The following KIF13B variants were observed in gnomAD, a reference collection of about 807,000 sequenced individuals.
The protein encoded by KIF13B is kinesin family member 13B.
Under a neutral mutation model 222.0 loss-of-function variants are expected in KIF13B, and 127 were observed. The ratio of observed to expected loss-of-function variants is 0.57; its 90% CI spans 0.50 to 0.66. KIF13B has a LOEUF of 0.66. KIF13B is among the 30% of genes least tolerant of loss of function. The pLI is 0.00. For missense variants in KIF13B, 2,173 were observed against 2,379.0 expected, an observed-to-expected ratio of 0.91 and a Z score of 1.80; for synonymous variants, 976 against 919.0, an observed-to-expected ratio of 1.06 and a Z score of -1.12.
intron 2 of KIF13B, among the ~76,000 whole-genome samples, chr8:29,223,483 G>A (rs1311973819): frequency 1.3e-5 from 2 of 151,902 alleles, no homozygotes; most frequent in Non-Finnish European, 2.9e-5. Context: ...AGTAACCAAG[G>A]GCGAATTTGA....
At chr8:29,183,168 G>GTTTTTTTTATTTTTTTT (rs1812785381) in intron 6 of KIF13B, among the ~76,000 whole-genome samples, 1 of 117,688 alleles carries the variant, frequency 8.5e-6, no homozygotes. Flanking sequence ...CTTAAAGTTT[G>GTTTTTTTTATTTTTTTT]TTTTTTTTTT....
intron 30 of KIF13B, among the ~76,000 whole-genome samples, chr8:29,118,368 A>G (rs910341288): frequency 2.0e-5 from 3 of 150,270 alleles, no homozygotes; most frequent in Admixed American, 6.6e-5. Context: ...GGTGGCGCAC[A>G]CTTATAATCC....
rs983817363 is a variant in KIF13B, at chr8:29,071,105, G to A, written c.5219-339C>T. Among the ~76,000 whole-genome samples, 2 of 152,338 alleles carry A rather than the reference G, an allele frequency of 1.3e-5. No individual in the cohort carries two copies. Among genetic ancestry groups the A allele is most frequent in the Admixed American group, 1.3e-4 (2 of 15,312 alleles). On this transcript the variant is annotated intron_variant, in intron 39 of 39. Transcript: ENST00000524189. The surrounding 1 kb of genome is among the most constrained non-coding windows in gnomAD (Gnocchi z 4.9). Reference sequence around the variant, plus strand: ...CCAGCCACTAAGGCACAACCGGCCCGCCTCGTGCGGGAACAGACCCTTCTC... The same window carrying A: ...CCAGCCACTAAGGCACAACCGGCCCACCTCGTGCGGGAACAGACCCTTCTC...
At position 29,070,791 on chromosome 8, in the gene KIF13B, TG is replaced by T; in HGVS notation, c.5219-26del. 1 of 1,580,538 alleles carries T rather than the reference TG, an allele frequency of 6.3e-7. No individual in the cohort carries two copies. Among genetic ancestry groups the T allele is most frequent in the South Asian group, 1.2e-5 (1 of 86,326 alleles). On this transcript the variant is annotated intron_variant, in intron 39 of 39. Coordinates refer to ENST00000524189, the MANE Select transcript of KIF13B (RefSeq NM_015254.4). This position sits in a 1 kb window ranked among gnomAD's most constrained non-coding sequence, Gnocchi z 4.1. The stretch of plus-strand genomic sequence containing the variant: ...CCTGCGGGGGAAGGAGAGGGTGATA[TG>T]GAGGGCAGCCGAGCTGCAGACGGCC...
intron 12 of KIF13B, among the ~76,000 whole-genome samples, chr8:29,165,021 T>C (rs1198414083): frequency 2.0e-5 from 3 of 152,130 alleles, no homozygotes; most frequent in South Asian, 4.1e-4. Context: ...CTAATTTTTG[T>C]GTTTTTGGTA....
chr8:29,085,260 G>T (rs1474303503), intron 37 of KIF13B, among the ~76,000 whole-genome samples: 1 of 152,154 alleles, frequency 6.6e-6, no homozygotes, highest in Non-Finnish European at 1.5e-5. Flanking sequence ...TGCAGTTATG[G>T]GTCTGTGTAT....
Position 29,070,575 on chromosome 8 carries a change from G to A in KIF13B, c.5410C>T (p.Leu1804=). 1 of 1,604,598 alleles carries A rather than the reference G, an allele frequency of 6.2e-7. No individual in the cohort carries two copies. Among genetic ancestry groups the A allele is most frequent in the African/African-American group, 1.3e-5 (1 of 74,904 alleles). ...LSGSATNLAS[L]TAALAKADRS... The stretch of plus-strand genomic sequence containing the variant: ...TCGGCCTTGGCCAGGGCAGCTGTCA[G>A]CGAGGCCAGGTTGGTGGCGGAGCCC... Residue 1804 remains leucine, a synonymous_variant, in exon 40 of 40, where the codon CTG becomes TTG. Coordinates refer to ENST00000524189, the MANE Select transcript of KIF13B (RefSeq NM_015254.4). The surrounding 1 kb of genome is among the most constrained non-coding windows in gnomAD (Gnocchi z 4.1).
chr8:29,246,304 G>A (rs1253676962), intron 1 of KIF13B, among the ~76,000 whole-genome samples: 1 of 151,942 alleles, frequency 6.6e-6, no homozygotes, highest in Non-Finnish European at 1.5e-5. Flanking sequence ...TTGAACCCAG[G>A]AGGCAGAGGT....
At chr8:29,137,440 C>T (rs1810615560) in intron 21 of KIF13B, among the ~76,000 whole-genome samples, 1 of 152,236 alleles carries the variant, frequency 6.6e-6, no homozygotes, top group African/African-American at 2.4e-5. Flanking sequence ...CCAGGAATGT[C>T]TGCAGGCACG....
intron 2 of KIF13B, among the ~76,000 whole-genome samples, chr8:29,231,959 A>C (rs186741010): frequency 3.3e-4 from 50 of 152,304 alleles, no homozygotes; most frequent in Non-Finnish European, 5.7e-4. Flanking sequence ...AAATAATTTA[A>C]AAGAAATTAG....
chr8:29,140,025 T>C (rs780285692), intron 21 of KIF13B, 38 bp downstream of exon 21: 178 of 1,528,424 alleles, frequency 1.2e-4, no homozygotes, highest in Non-Finnish European at 1.5e-4. Context: ...GCAATGACTT[T>C]TGTATCAACG....
intron 35 of KIF13B, among the ~76,000 whole-genome samples, 190 bp downstream of exon 35, chr8:29,107,947 CAG>C (rs991066681): frequency 1.3e-5 from 2 of 152,100 alleles, no homozygotes; most frequent in African/African-American, 4.8e-5. Flanking sequence ...CCCCAGTAGT[CAG>C]AGTCTAATAA....
chr8:29,072,482 C>T (rs568346769), intron 38 of KIF13B, among the ~76,000 whole-genome samples, 166 bp from the exon 39 acceptor site: 1 of 152,266 alleles, frequency 6.6e-6, no homozygotes, highest in African/African-American at 2.4e-5. Flanking sequence ...CCCAGGAGTT[C>T]AAGAACAGCC....
chr8:29,081,348 A>G (rs1807802283), intron 37 of KIF13B, among the ~76,000 whole-genome samples: 1 of 152,178 alleles, frequency 6.6e-6, no homozygotes, highest in Non-Finnish European at 1.5e-5. Context: ...CAGCACTGAG[A>G]ATGAGGCTAA....
chr8:29,257,903 C>A (rs574324168), intron 1 of KIF13B, among the ~76,000 whole-genome samples: 6 of 152,300 alleles, frequency 3.9e-5, no homozygotes, highest in Non-Finnish European at 8.8e-5. Flanking sequence ...ACCTTCTTCT[C>A]AAAATGCCTC....
chr8:29,101,196 G>T (rs1227531491), intron 35 of KIF13B, among the ~76,000 whole-genome samples: 1 of 152,154 alleles, frequency 6.6e-6, no homozygotes. Flanking sequence ...CTGCGGCCTT[G>T]TATACCCGGG....
At chr8:29,140,019 T>A in intron 21 of KIF13B, 44 bp downstream of exon 21, 1 of 1,516,234 alleles carries the variant, frequency 6.6e-7, no homozygotes, top group Non-Finnish European at 8.9e-7. Context: ...AAAACTGCAA[T>A]GACTTTTGTA....
chr8:29,207,847 C>T (rs905067525), intron 2 of KIF13B, among the ~76,000 whole-genome samples: 1 of 152,060 alleles, frequency 6.6e-6, no homozygotes, highest in African/African-American at 2.4e-5. Context: ...GAAATGATGG[C>T]TACTATTATA....
At chr8:29,095,321 G>A (rs1808474084) in intron 36 of KIF13B, among the ~76,000 whole-genome samples, 1 of 152,240 alleles carries the variant, frequency 6.6e-6, no homozygotes, top group Admixed American at 6.5e-5. Flanking sequence ...AGCTGGAGAT[G>A]AGGAAACATC....
Sources: allele counts gnomAD v4.1 joint callset (sites outside exome capture counted in the v4.1 genomes callset), GRCh38; gene constraint gnomAD v4.1.1; non-coding constraint Gnocchi (gnomAD v3.1); transcripts MANE v1.5; gene names NCBI Gene and HGNC (gene_info 2026-07-23, HGNC 2026-07-21).